SLC9A3: variants seen among roughly 807,000 people sequenced by gnomAD.
SLC9A3 encodes the protein sodium/hydrogen exchanger 3.
A neutral mutation model predicts 86.8 loss-of-function variants in SLC9A3; 37 were observed. The ratio of observed to expected loss-of-function variants is 0.43; its 90% CI spans 0.33 to 0.56. The LOEUF (loss-of-function observed/expected upper bound fraction) is 0.56, where lower values mean the gene tolerates loss of function less well. Ranked by LOEUF, SLC9A3 falls within the 20% of genes least tolerant of loss-of-function variation. SLC9A3 has a pLI of 0.06. For synonymous variants in SLC9A3, 581 were observed against 528.3 expected, an observed-to-expected ratio of 1.10 and a Z score of -1.37; for missense variants, 1,011 against 1,171.9, an observed-to-expected ratio of 0.86 and a Z score of 2.00.
Position 472,353 on chromosome 5 carries a change from T to TG in SLC9A3, c.*1025dup. On this transcript the variant is annotated 3_prime_UTR_variant, in exon 17 of 17. Coordinates refer to ENST00000264938, the MANE Select transcript of SLC9A3 (RefSeq NM_004174.4). The stretch of plus-strand genomic sequence containing the variant: ...TGAGCCTGGTAGGGGGGCGGTGCCC[T>TG]GGGCCCCTCCATGCCCCCTGGTTTG... 2 of 335,362 alleles carry TG rather than the reference T, an allele frequency of 6.0e-6. No individual in the cohort carries two copies. Among genetic ancestry groups the TG allele is most frequent in the Non-Finnish European group, 1.2e-5 (2 of 171,936 alleles). 20.8% of individuals were successfully genotyped at this position (335,362 alleles called of 1,614,324 possible).
At chr5:501,682 G>A (rs534435013) in intron 1 of SLC9A3, among the ~76,000 whole-genome samples, 1 of 152,368 alleles carries the variant, frequency 6.6e-6, no homozygotes, top group East Asian at 1.9e-4. Context: ...AGGTCCAGCA[G>A]AGCTCGCCAG....
intron 1 of SLC9A3, among the ~76,000 whole-genome samples, chr5:522,762 A>G (rs1406439477): frequency 6.6e-6 from 1 of 152,006 alleles, no homozygotes; most frequent in Non-Finnish European, 1.5e-5. Context: ...AAAAGAAAAA[A>G]AAAGAAATTA....
chr5:523,895 C>T (rs1161528702), intron 1 of SLC9A3, among the ~76,000 whole-genome samples: 1 of 152,144 alleles, frequency 6.6e-6, no homozygotes, highest in Non-Finnish European at 1.5e-5. Context: ...CGAGGCTGTG[C>T]CCCCGCCGGG....
At chr5:473,451 G>A (rs1327322284) in intron 16 of SLC9A3, 69 bp from the exon 17 acceptor site, 15 of 1,264,934 alleles carry the variant, frequency 1.2e-5, no homozygotes, top group African/African-American at 7.8e-5. Context: ...GTCCCCGGGG[G>A]CCTCAGCTGT....
At chr5:510,123 T>G (rs984110754) in intron 1 of SLC9A3, among the ~76,000 whole-genome samples, 6 of 152,184 alleles carry the variant, frequency 3.9e-5, no homozygotes, top group Non-Finnish European at 7.4e-5. Flanking sequence ...CGTGGGTGCT[T>G]GGGCCCCTGG....
Position 484,562 on chromosome 5 carries a change from G to A in SLC9A3, c.890C>T (p.Ser297Phe). Residue 297 changes from serine (S) to phenylalanine (F), a missense_variant, in exon 5 of 17, where the codon TCC (serine) becomes TTC (phenylalanine). Coordinates refer to ENST00000264938, the MANE Select transcript of SLC9A3 (RefSeq NM_004174.4). ...PGFVFIISYL[S>F]YLTSEMLSLS... The stretch of plus-strand genomic sequence containing the variant: ...CGACAGCATCTCGGACGTCAGGTAG[G>A]ACAGGTAGGAGATGATGAACACGAA... 1 of 1,613,222 alleles carries A rather than the reference G, an allele frequency of 6.2e-7. No homozygotes were observed. Among genetic ancestry groups the A allele is most frequent in the Non-Finnish European group, 8.5e-7 (1 of 1,179,962 alleles).
chr5:472,942 C>T lies in SLC9A3; in HGVS notation c.*437G>A. Reference sequence around the variant, plus strand: ...GGCGCGAGCGGCCAGCCATGGCGCGCGGACCCTTCCCGCCGGCGGCGTCAC... The same window carrying T: ...GGCGCGAGCGGCCAGCCATGGCGCGTGGACCCTTCCCGCCGGCGGCGTCAC... On this transcript the variant is annotated 3_prime_UTR_variant, in exon 17 of 17. Transcript: ENST00000264938. 1.9e-6 allele frequency: 1 copy of T among 529,082 alleles called. No homozygotes were observed. The highest frequency in any genetic ancestry group is 3.3e-6 in the Non-Finnish European group (1 of 298,722). The allele number at this position is 529,082 out of a possible 1,614,324, so 32.8% of individuals were successfully genotyped here.
intron 1 of SLC9A3, among the ~76,000 whole-genome samples, chr5:520,700 C>A (rs1349615755): frequency 6.6e-6 from 1 of 152,122 alleles, no homozygotes; most frequent in Non-Finnish European, 1.5e-5. Flanking sequence ...TCTGCCTCCC[C>A]AGGGACCCAC....
chr5:483,570 C>G (rs1739323671), intron 5 of SLC9A3, 88 bp from the exon 6 acceptor site: 1 of 926,244 alleles, frequency 1.1e-6, no homozygotes, highest in Admixed American at 2.2e-5. Context: ...GGCCTGGCGC[C>G]TGTAGGCCCA....
chr5:477,494 C>G, intron 10 of SLC9A3, 50 bp from the exon 11 acceptor site: 1 of 1,388,860 alleles, frequency 7.2e-7, no homozygotes, highest in Middle Eastern at 2.0e-4. Flanking sequence ...CAAGCCCTAG[C>G]TGCTGCCATT....
At position 477,320 on chromosome 5, in the gene SLC9A3, A is replaced by T; in HGVS notation, c.1760+12T>A. On this transcript the variant is annotated intron_variant, in intron 11 of 16. Transcript: ENST00000264938. ...TCTTCCCCAGGGAAGCTGCATGACC[A>T]TGGCCACATACAGGAGGTAGGAGAC... is the stretch of plus-strand genomic sequence containing the variant. The T allele has an allele frequency of 6.4e-7, 1 of 1,566,422 alleles. No individual in the cohort carries two copies. The highest frequency in any genetic ancestry group is 1.1e-5 in the South Asian group (1 of 89,260).
At chr5:498,535 G>A (rs1246613972) in intron 1 of SLC9A3, among the ~76,000 whole-genome samples, 1 of 152,172 alleles carries the variant, frequency 6.6e-6, no homozygotes, top group African/African-American at 2.4e-5. Flanking sequence ...CTGAGTAGCT[G>A]GGATTACAGG....
Position 475,025 on chromosome 5 carries a change from C to T in SLC9A3, c.2359G>A (p.Ala787Thr). 6.2e-7 allele frequency: 1 copy of T among 1,612,240 alleles called. No individual in the cohort carries two copies. Among genetic ancestry groups the T allele is most frequent in the Non-Finnish European group, 8.5e-7 (1 of 1,179,742 alleles). Residue 787 changes from alanine to threonine, a missense_variant, in exon 16 of 17, where the codon GCC (alanine) becomes ACC (threonine). Transcript: ENST00000264938. ...GGAGAGTAGGGAATCTGCGTGCGGG[C>T]CCTCTGCGAGGGGACCACCGTCTCC... ...PGETVVPSQR[A>T]RTQIPYSPGT...
chr5:492,623 C>T (rs1245816220), intron 1 of SLC9A3, among the ~76,000 whole-genome samples: 8 of 151,740 alleles, frequency 5.3e-5, no homozygotes, highest in Non-Finnish European at 1.2e-4. Context: ...GGAGCCGGTG[C>T]TATGGGGTGG....
rs887755185 is a variant in SLC9A3, at chr5:495,134, C to T, written c.212-3063G>A. On this transcript the variant is annotated intron_variant, in intron 1 of 16. Transcript: ENST00000264938. ...GCCGCAGGTCAGACCTGGGAAGCAG[C>T]GGGAGTCTCGGAGCTCCTGGACGCC... 1.7e-4 allele frequency among the ~76,000 whole-genome samples: 26 copies of T among 151,970 alleles called. No homozygotes were observed. In the East Asian group the frequency reaches 3.3e-3, roughly 19 times the overall value.
Position 502,870 on chromosome 5 carries a change from T to G in SLC9A3, c.212-10799A>C, listed in dbSNP as rs368187985. Among the ~76,000 whole-genome samples the G allele has an allele frequency of 1.1e-3, 119 of 110,250 alleles. 10 individuals carry two copies. The East Asian group carries it at 0.013, about 12-fold the overall frequency. 72.3% of individuals were successfully genotyped at this position (110,250 alleles called of 152,430 possible). On this transcript the variant is annotated intron_variant, in intron 1 of 16. Transcript: ENST00000264938. ...GACACAGATGGGCGCTGTGTTCCAG[T>G]GAAACTTTACCACTCACTACCAGTG...
At chr5:509,114 A>G (rs1413830868) in intron 1 of SLC9A3, among the ~76,000 whole-genome samples, 6 of 151,612 alleles carry the variant, frequency 4.0e-5, no homozygotes, top group Non-Finnish European at 7.4e-5. Context: ...TCTCAAAAAA[A>G]AAAAAAATTA....
At chr5:512,001 C>T (rs907044005) in intron 1 of SLC9A3, among the ~76,000 whole-genome samples, 8 of 152,182 alleles carry the variant, frequency 5.3e-5, no homozygotes, top group African/African-American at 1.4e-4. Context: ...TGAAAGAAGC[C>T]GCTTTGAGAA....
chr5:475,325 G>A (rs1738653171), intron 15 of SLC9A3, 193 bp from the exon 16 acceptor site: 2 of 637,620 alleles, frequency 3.1e-6, no homozygotes, highest in East Asian at 2.7e-5. Flanking sequence ...CACAGGTAAC[G>A]TCTCGCTTCC....
Sources: gnomAD v4.1 joint callset for allele counts (sites outside exome capture counted in the v4.1 genomes callset) on GRCh38, gnomAD v4.1.1 for gene constraint, MANE v1.5 for transcripts, NCBI Gene and HGNC (gene_info 2026-07-23, HGNC 2026-07-21) for gene names.